The following RABGAP1L variants were observed in gnomAD, a reference collection of about 807,000 sequenced individuals.
The protein encoded by RABGAP1L is rab GTPase-activating protein 1-like.
In RABGAP1L, 63 loss-of-function variants were observed where a neutral mutation model predicts 137.7. The ratio of observed to expected loss-of-function variants is 0.46; its 90% confidence interval spans 0.37 to 0.56. The LOEUF is 0.56. Among genes scored for constraint, RABGAP1L ranks in the 20% least tolerant of loss-of-function variants. RABGAP1L has a pLI of 0.00. For missense variants in RABGAP1L, 1,095 were observed against 1,244.0 expected (o/e 0.88, Z 1.80); for synonymous variants, 431 against 433.7 (o/e 0.99, Z 0.08).
chr1:174,725,781 C>G (rs1681929338), intron 17 of RABGAP1L, among the ~76,000 whole-genome samples: 1 of 151,658 alleles, frequency 6.6e-6, no homozygotes, highest in Non-Finnish European at 1.5e-5. Flanking sequence ...TTATTGTGTT[C>G]TGGGACAGTG....
At chr1:174,840,624 A>G (rs1437624442) in intron 19 of RABGAP1L, among the ~76,000 whole-genome samples, 3 of 145,764 alleles carry the variant, frequency 2.1e-5, no homozygotes, top group Non-Finnish European at 4.5e-5. Flanking sequence ...CCCTGTCTCT[A>G]CTAAAAATAC....
chr1:174,261,041 G>A (rs866379462), intron 7 of RABGAP1L, among the ~76,000 whole-genome samples: 2 of 151,908 alleles, frequency 1.3e-5, no homozygotes, highest in Non-Finnish European at 1.5e-5. Flanking sequence ...TTCAGGCCTT[G>A]GGGAAGGGTA....
intron 13 of RABGAP1L, among the ~76,000 whole-genome samples, chr1:174,509,410 T>C (rs1487389739): frequency 6.6e-6 from 1 of 152,134 alleles, no homozygotes; most frequent in African/African-American, 2.4e-5. Context: ...CCTCCTCTTC[T>C]TTCTTCCTTC....
chr1:174,636,542 A>G (rs954816400), intron 13 of RABGAP1L, among the ~76,000 whole-genome samples: 10 of 151,820 alleles, frequency 6.6e-5, no homozygotes, highest in Non-Finnish European at 1.0e-4. Context: ...AAAAAAAAAA[A>G]AGAGATCATC....
chr1:174,263,041 G>T (rs900681904), intron 7 of RABGAP1L, among the ~76,000 whole-genome samples: 1 of 152,196 alleles, frequency 6.6e-6, no homozygotes, highest in African/African-American at 2.4e-5. Flanking sequence ...CCCTCCGTGA[G>T]CTCATAGCTT....
intron 19 of RABGAP1L, among the ~76,000 whole-genome samples, chr1:174,886,557 A>G (rs143156103): frequency 0.014 from 2,122 of 152,320 alleles, 53 homozygotes; most frequent in African/African-American, 0.047. Context: ...GTTCAGGAGA[A>G]GAAGGATAAA....
rs567670586 is a variant in RABGAP1L, at chr1:174,463,160, G to A, written c.1710+69015G>A. Among the ~76,000 whole-genome samples the A allele has an allele frequency of 3.3e-5, 5 of 152,064 alleles. No individual in the cohort carries two copies. In the South Asian group the frequency reaches 1.0e-3, roughly 31 times the overall value. ...CATTTGACCCAGCCATCCCATTACT[G>A]GGTATATACCCAAAGGACTATAAAT... On this transcript the variant is annotated intron_variant, in intron 13 of 25. Coordinates refer to ENST00000681986, the MANE Select transcript of RABGAP1L (RefSeq NM_001366446.1).
At chr1:174,548,133 A>G (rs1164640094) in intron 13 of RABGAP1L, 1 of 1,509,364 alleles carries the variant, frequency 6.6e-7, no homozygotes, top group Admixed American at 2.1e-5. Context: ...AACTTTATGG[A>G]TCATTTCCCA....
Position 174,528,163 on chromosome 1 carries a change from T to C in RABGAP1L, c.1711-109212T>C, listed in dbSNP as rs1295629928. Among the ~76,000 whole-genome samples, 3 of 152,284 alleles carry C rather than the reference T, an allele frequency of 2.0e-5. No individual in the cohort carries two copies. In the East Asian group the frequency reaches 5.8e-4, roughly 29 times the overall value. On this transcript the variant is annotated intron_variant, in intron 13 of 25. Coordinates refer to ENST00000681986, the MANE Select transcript of RABGAP1L (RefSeq NM_001366446.1). ...TATATTCTAGGTGGTTATTAATATA[T>C]AACATTTTGTTGCTGTCATATAGTC... is the stretch of plus-strand genomic sequence containing the variant.
intron 13 of RABGAP1L, among the ~76,000 whole-genome samples, chr1:174,467,185 T>C (rs1330012943): frequency 6.6e-6 from 1 of 152,220 alleles, no homozygotes; most frequent in East Asian, 1.9e-4. Context: ...AAAACATCTT[T>C]ATTTTTTACA....
At chr1:174,426,920 T>C (rs1652022768) in intron 13 of RABGAP1L, among the ~76,000 whole-genome samples, 1 of 152,098 alleles carries the variant, frequency 6.6e-6, no homozygotes, top group Non-Finnish European at 1.5e-5. Context: ...AGAAAGTGAA[T>C]GGGAAGATCA....
At chr1:174,917,560 A>G (rs1661065715) in intron 19 of RABGAP1L, among the ~76,000 whole-genome samples, 1 of 152,186 alleles carries the variant, frequency 6.6e-6, no homozygotes, top group Non-Finnish European at 1.5e-5. Flanking sequence ...TAATTTTCCA[A>G]ACACAATCAC....
intron 19 of RABGAP1L, chr1:174,897,164 G>A (rs1467290830): frequency 6.6e-6 from 1 of 152,152 alleles, no homozygotes; most frequent in Non-Finnish European, 1.5e-5. Flanking sequence ...TCCCTTGTAA[G>A]TTGGATTCCT....
At position 174,307,001 on chromosome 1, in the gene RABGAP1L, T is replaced by G. The variant is rs576505849; in HGVS notation, c.1465+1874T>G. Among the ~76,000 whole-genome samples, 3 of 152,362 alleles carry G rather than the reference T, an allele frequency of 2.0e-5. No individual in the cohort carries two copies. In the South Asian group the frequency reaches 6.2e-4, roughly 32 times the overall value. On this transcript the variant is annotated intron_variant, in intron 11 of 25. Coordinates refer to ENST00000681986, the MANE Select transcript of RABGAP1L (RefSeq NM_001366446.1). ...TTGCCATAAACATAATAATTATTTT[T>G]AGCTAATATTTATTTAGTGCTTACT... is the stretch of plus-strand genomic sequence containing the variant.
At chr1:174,268,254 C>T (rs1472661481) in intron 7 of RABGAP1L, among the ~76,000 whole-genome samples, 2 of 149,242 alleles carry the variant, frequency 1.3e-5, no homozygotes, top group African/African-American at 5.0e-5. Context: ...GGCTGGAGTG[C>T]ACTGGTGCAA....
At chr1:174,759,904 C>T (rs746093580) in intron 18 of RABGAP1L, among the ~76,000 whole-genome samples, 4 of 152,182 alleles carry the variant, frequency 2.6e-5, no homozygotes, top group Admixed American at 6.5e-5. Flanking sequence ...ACCTCCCACT[C>T]GGCCCTACCT....
Position 174,968,101 on chromosome 1 carries a change from AAAAG to A in RABGAP1L, c.2434-1168_2434-1165del, listed in dbSNP as rs1264781238. Among the ~76,000 whole-genome samples the A allele has an allele frequency of 1.2e-4, 19 of 152,318 alleles. No homozygotes were observed. The East Asian group carries it at 3.7e-3, about 29-fold the overall frequency. On this transcript the variant is annotated intron_variant, in intron 20 of 25. Coordinates refer to ENST00000681986, the MANE Select transcript of RABGAP1L (RefSeq NM_001366446.1). ...TTAGCCCTTGTTTTAAAAAACAGGA[AAAAG>A]AAAGAAATTGTCTTCTCTTTCAATA...
At position 174,417,095 on chromosome 1, in the gene RABGAP1L, G is replaced by A. The variant is rs187247174; in HGVS notation, c.1710+22950G>A. Among the ~76,000 whole-genome samples, 30 of 152,214 alleles carry A rather than the reference G, an allele frequency of 2.0e-4. No homozygotes were observed. The East Asian group carries it at 3.7e-3, about 19-fold the overall frequency. On this transcript the variant is annotated intron_variant, in intron 13 of 25. Coordinates refer to ENST00000681986, the MANE Select transcript of RABGAP1L (RefSeq NM_001366446.1). The stretch of plus-strand genomic sequence containing the variant: ...GGCATTACTTTCAATGGCAAAAACC[G>A]CAATTACTTTTGCACCAGCCTAGTA...
At chr1:174,496,651 A>G (rs189220004) in intron 13 of RABGAP1L, among the ~76,000 whole-genome samples, 1 of 152,222 alleles carries the variant, frequency 6.6e-6, no homozygotes, top group Admixed American at 6.5e-5. Flanking sequence ...TCTCAATTGA[A>G]GGCAACCAAT....
Sources: allele counts gnomAD v4.1 joint callset (sites outside exome capture counted in the v4.1 genomes callset), GRCh38; gene constraint gnomAD v4.1.1; transcripts MANE v1.5; gene names NCBI Gene and HGNC (gene_info 2026-07-23, HGNC 2026-07-21).